The following LPIN1 variants were observed in gnomAD, a reference collection of about 807,000 sequenced individuals.
The protein encoded by LPIN1 is phosphatidate phosphatase LPIN1.
LPIN1 carries 71 observed loss-of-function variants against 107.5 expected under a neutral mutation model. That is an observed-to-expected ratio of 0.66 (90% CI 0.55 to 0.80). The LOEUF (loss-of-function observed/expected upper bound fraction) is 0.80, where lower values mean the gene tolerates loss of function less well. LPIN1 is among the 30% of genes least tolerant of loss of function. LPIN1 has a pLI of 0.00. For synonymous variants in LPIN1, 445 were observed against 452.6 expected, an observed-to-expected ratio of 0.98 and a Z score of 0.21; for missense variants, 1,043 against 1,160.6, an observed-to-expected ratio of 0.90 and a Z score of 1.47.
chr2:11,700,691 G>A (rs1046237465), intron 1 of LPIN1, among the ~76,000 whole-genome samples: 6 of 152,286 alleles, frequency 3.9e-5, no homozygotes, highest in Non-Finnish European at 7.4e-5. Context: ...GTATGAAGCC[G>A]CTCTGAGCCT....
chr2:11,772,612 T>G (rs556833611), intron 4 of LPIN1, among the ~76,000 whole-genome samples: 1 of 152,364 alleles, frequency 6.6e-6, no homozygotes. Context: ...CCTTTTTAAT[T>G]TTGACTTAGG....
At chr2:11,808,766 C>T (rs1249003320) in intron 17 of LPIN1, among the ~76,000 whole-genome samples, 3 of 150,868 alleles carry the variant, frequency 2.0e-5, no homozygotes, top group East Asian at 1.9e-4. Flanking sequence ...CCCAGCTGCT[C>T]GGGAGGCTGA....
intron 1 of LPIN1, among the ~76,000 whole-genome samples, chr2:11,759,086 A>T (rs1366594287): frequency 3.3e-5 from 5 of 152,200 alleles, no homozygotes; most frequent in South Asian, 2.1e-4. Flanking sequence ...GGATGCAGAG[A>T]TGTGGTAATG....
chr2:11,745,081 C>T (rs1374003569), upstream of LPIN1: 2 of 152,270 alleles, frequency 1.3e-5, no homozygotes, highest in Non-Finnish European at 2.9e-5. Flanking sequence ...TAAGCTGCCG[C>T]ATTCGATGCT....
At chr2:11,738,608 G>T (rs113243685) in intron 1 of LPIN1, among the ~76,000 whole-genome samples, 2,158 of 151,876 alleles carry the variant, frequency 0.014, 42 homozygotes, top group African/African-American at 0.047. Context: ...AGGCAGAACA[G>T]GACAGGGATT....
chr2:11,716,367 G>A lies in LPIN1; in HGVS notation c.138+2555G>A, dbSNP rs187932856. On this transcript the variant is annotated intron_variant, in intron 2 of 21. Transcript: ENST00000449576. ...AATGAGGAGGAAGGGCAATAGGGGC[G>A]AAAGTAAGACTCAAAGTCTCTCTCT... Among the ~76,000 whole-genome samples the A allele has an allele frequency of 2.5e-4, 38 of 152,140 alleles. No homozygotes were observed. The East Asian group carries it at 4.1e-3, about 16-fold the overall frequency.
chr2:11,688,563 T>C (rs1662123331), intron 1 of LPIN1, among the ~76,000 whole-genome samples: 2 of 152,132 alleles, frequency 1.3e-5, no homozygotes, highest in Non-Finnish European at 2.9e-5. Context: ...TTGCGGTCGC[T>C]CGGGTCCCGG....
chr2:11,742,943 T>G (rs1048228862), upstream of LPIN1, among the ~76,000 whole-genome samples: 5 of 152,224 alleles, frequency 3.3e-5, no homozygotes, highest in African/African-American at 2.4e-5. Flanking sequence ...TTCTGCTCCT[T>G]GACACCTGGC....
At chr2:11,743,477 T>TCTGTTCC (rs1160469375), upstream of LPIN1, among the ~76,000 whole-genome samples, 8 of 152,234 alleles carry the variant, frequency 5.3e-5, no homozygotes, top group African/African-American at 1.9e-4. The surrounding 1 kb of genome is among the most constrained non-coding windows in gnomAD (Gnocchi z 4.7). Context: ...CCCAGGCTGC[T>TCTGTTCC]CTGTTCCCTG....
Position 11,795,499 on chromosome 2 carries a change from G to A in LPIN1, c.1886+12G>A. 6.2e-7 allele frequency: 1 copy of A among 1,613,360 alleles called. No individual in the cohort carries two copies. Among genetic ancestry groups the A allele is most frequent in the Non-Finnish European group, 8.5e-7 (1 of 1,179,376 alleles). ...AGCTTGGCCACCAGGTGCGGTAGGA[G>A]GCTTCTTGGGATGTTTGCAGCCCCT... On this transcript the variant is annotated intron_variant, in intron 14 of 20. Transcript: ENST00000674199.
At chr2:11,729,847 T>A (rs1665015896) in intron 1 of LPIN1, among the ~76,000 whole-genome samples, 1 of 151,928 alleles carries the variant, frequency 6.6e-6, no homozygotes, top group Non-Finnish European at 1.5e-5. Flanking sequence ...TTTAATTTTA[T>A]TTTAATTTCA....
At chr2:11,795,333 C>T in intron 13 of LPIN1, 75 bp from the exon 14 acceptor site, 1 of 1,231,362 alleles carries the variant, frequency 8.1e-7, no homozygotes, top group South Asian at 1.2e-5. Flanking sequence ...TAAGGAAGCC[C>T]ATGGGAAAAC....
At chr2:11,693,822 A>ATAT (rs1572328548) in intron 1 of LPIN1, among the ~76,000 whole-genome samples, 40 of 18,994 alleles carry the variant, frequency 2.1e-3, no homozygotes, top group African/African-American at 3.8e-3. Context: ...ATATATATAT[A>ATAT]TTTTTTTTTT....
At chr2:11,800,301 T>C (rs929085112) in intron 14 of LPIN1, among the ~76,000 whole-genome samples, 1 of 152,198 alleles carries the variant, frequency 6.6e-6, no homozygotes. Context: ...TGGAAGGAGC[T>C]GGGTCTCCAC....
intron 18 of LPIN1, chr2:11,816,787 G>C (rs899640579): frequency 1.4e-5 from 2 of 144,334 alleles, no homozygotes; most frequent in Non-Finnish European, 3.0e-5. Context: ...TGGGATCCAT[G>C]TGCAGAACAT....
chr2:11,806,424 C>T lies in LPIN1; in HGVS notation c.2249+1268C>T, dbSNP rs377287877. ...AAAAATGGCGGCTTGGAGAGAGAAC[C>T]TTAATCCTGGTGGGATTAAAAGCTT... On this transcript the variant is annotated intron_variant, in intron 17 of 20. Transcript: ENST00000674199. 2.0e-5 allele frequency among the ~76,000 whole-genome samples: 3 copies of T among 152,262 alleles called. No homozygotes were observed. The East Asian group carries it at 5.8e-4, about 29-fold the overall frequency.
rs1306139803 is a variant in LPIN1 at position 11,771,615 on chromosome 2, G to A, written c.532G>A (p.Asp178Asn). Reference protein sequence around the residue: ...KRDDNMNTSEDEDMFPIEMSS... With the variant: ...KRDDNMNTSENEDMFPIEMSS... ...AGATGACAACATGAACACATCTGAG[G>A]ATGAGGACATGTTCCCCATCGAGAT... is the stretch of plus-strand genomic sequence containing the variant. Residue 178 changes from aspartate (D) to asparagine (N), a missense_variant, in exon 4 of 21, where the codon GAT becomes AAT. By Grantham distance (23) the Asp-to-Asn change is conservative (BLOSUM62 1). Coordinates refer to ENST00000674199, the MANE Select transcript of LPIN1 (RefSeq NM_001349206.2). The surrounding 1 kb of genome is among the most constrained non-coding windows in gnomAD (Gnocchi z 4.8). 1 of 1,609,902 alleles carries A rather than the reference G, an allele frequency of 6.2e-7. No homozygotes were observed. The highest frequency in any genetic ancestry group is 1.1e-5 in the South Asian group (1 of 90,146).
chr2:11,682,447 G>C (rs750414666), intron 1 of LPIN1: 1 of 152,826 alleles, frequency 6.5e-6, no homozygotes, highest in African/African-American at 2.4e-5. Flanking sequence ...CACAGACGCC[G>C]ATCTTCAATC....
intron 9 of LPIN1, chr2:11,784,653 A>G: frequency 1.6e-6 from 1 of 606,604 alleles, no homozygotes; most frequent in Non-Finnish European, 3.0e-6. Flanking sequence ...TCTTCAGTAT[A>G]TTTTAGGGGG....
Sources: gnomAD v4.1 joint callset for allele counts (sites outside exome capture counted in the v4.1 genomes callset) on GRCh38, gnomAD v4.1.1 for gene constraint, Gnocchi (gnomAD v3.1) non-coding constraint, MANE v1.5 for transcripts, NCBI Gene and HGNC (gene_info 2026-07-23, HGNC 2026-07-21) for gene names.